The following RPF1 variants were observed in gnomAD, a reference collection of about 807,000 sequenced individuals.
The protein encoded by RPF1 is ribosome production factor 1 homolog.
Under a neutral mutation model 41.9 loss-of-function variants are expected in RPF1, and 34 were observed. The observed-to-expected ratio is 0.81, with a 90% CI of 0.62 to 1.08. RPF1 has a LOEUF of 1.08. Among genes scored for constraint, RPF1 ranks in the 50% least tolerant of loss-of-function variants. The probability of loss-of-function intolerance (pLI) is 0.00; values close to 1 mark genes in which losing one functional copy is unlikely to be tolerated. For missense variants in RPF1, 425 were observed against 435.2 expected (o/e 0.98, Z 0.21); for synonymous variants, 140 against 148.9 (o/e 0.94, Z 0.43).
rs188029047 is a variant in RPF1 at position 84,490,169 on chromosome 1, G to T, written c.463-150G>T. On this transcript the variant is annotated intron_variant, in intron 4 of 8. Transcript: ENST00000370654. ...TTAGGATGATCAGCCTTTGATAAAAGAGGACACACTGTTCGAGTTTCATGC... is the reference window on the plus strand; with the variant it reads ...TTAGGATGATCAGCCTTTGATAAAATAGGACACACTGTTCGAGTTTCATGC... 20 of 550,014 alleles carry T rather than the reference G, an allele frequency of 3.6e-5. 1 individual carries two copies. The highest frequency in any genetic ancestry group is 1.0e-3 in the Middle Eastern group (2 of 2,008). 34.1% of individuals were successfully genotyped at this position (550,014 alleles called of 1,614,324 possible). A position where few individuals can be genotyped will look rare whatever the true frequency, so the allele number is the denominator to read the frequency against.
intron 3 of RPF1, among the ~76,000 whole-genome samples, chr1:84,487,853 T>G (rs1461864779): frequency 6.6e-6 from 1 of 152,110 alleles, no homozygotes; most frequent in East Asian, 1.9e-4. Context: ...ACTCTTACAA[T>G]TCTGTGTTCT....
At chr1:84,489,871 A>C (rs1313685683) in intron 4 of RPF1, 143 bp downstream of exon 4, 2 of 601,662 alleles carry the variant, frequency 3.3e-6, no homozygotes, top group Non-Finnish European at 5.9e-6. Context: ...TAGCTCTGGT[A>C]ATATGATGTA....
At chr1:84,494,503 T>G (rs1269522746) in intron 5 of RPF1, among the ~76,000 whole-genome samples, 1 of 152,208 alleles carries the variant, frequency 6.6e-6, no homozygotes, top group East Asian at 1.9e-4. Flanking sequence ...TAATACAAAG[T>G]GAAAGCCCTG....
intron 6 of RPF1, 123 bp from the exon 7 acceptor site, chr1:84,495,759 G>C (rs1260964698): frequency 1.6e-6 from 1 of 619,296 alleles, no homozygotes; most frequent in Non-Finnish European, 2.8e-6. Context: ...ATCTGTGGTA[G>C]TTTGTCACTA....
Position 84,497,750 on chromosome 1 carries a change from A to G in RPF1, c.*280A>G, listed in dbSNP as rs1332940838. On this transcript the variant is annotated 3_prime_UTR_variant, in exon 9 of 9. Transcript: ENST00000370654. ...AATCAAGATTCAGATTAACTTTCCTATTTGCATAGAACACATGAGAGGAAT... is the reference window on the plus strand; with the variant it reads ...AATCAAGATTCAGATTAACTTTCCTGTTTGCATAGAACACATGAGAGGAAT... 3.3e-6 allele frequency: 1 copy of G among 306,564 alleles called. No homozygotes were observed. Among genetic ancestry groups the G allele is most frequent in the South Asian group, 6.2e-5 (1 of 16,246 alleles). 19.0% of individuals were successfully genotyped at this position (306,564 alleles called of 1,614,324 possible).
At chr1:84,496,101 A>T in intron 7 of RPF1, 38 bp downstream of exon 7, 1 of 1,503,264 alleles carries the variant, frequency 6.7e-7, no homozygotes, top group Non-Finnish European at 9.1e-7. Flanking sequence ...GATTTCAATT[A>T]TGAAATATAT....
chr1:84,483,126 ATTATC>A (rs1341391278), intron 3 of RPF1, 131 bp downstream of exon 3: 1 of 532,298 alleles, frequency 1.9e-6, no homozygotes, highest in Non-Finnish European at 3.4e-6. Context: ...ATGTTGGCAT[ATTATC>A]TTATTATTTG....
At position 84,496,331 on chromosome 1, in the gene RPF1, C is replaced by CT; in HGVS notation, c.972dup (p.Asp325Ter). 1 of 1,612,718 alleles carries CT rather than the reference C, an allele frequency of 6.2e-7. No homozygotes were observed. The highest frequency in any genetic ancestry group is 8.5e-7 in the Non-Finnish European group (1 of 1,179,324). ...AATTAAGGTCTCTTCAGAAAGGAAC[C>CT]TTTGATTCTAAATATGGAGAGTATG... On this transcript the variant is annotated frameshift_variant, in exon 8 of 9. Transcript: ENST00000370654. LOFTEE classifies it high-confidence loss of function.
intron 8 of RPF1, among the ~76,000 whole-genome samples, chr1:84,496,809 A>G (rs951209325): frequency 6.6e-6 from 1 of 152,162 alleles, no homozygotes; most frequent in Middle Eastern, 3.2e-3. Context: ...AGAACTATTG[A>G]TAAGTTTTCT....
intron 2 of RPF1, among the ~76,000 whole-genome samples, chr1:84,481,463 G>C (rs1239043515): frequency 6.6e-6 from 1 of 152,192 alleles, no homozygotes; most frequent in Non-Finnish European, 1.5e-5. Context: ...TTTTTGGTCA[G>C]GCAAGGCTGG....
rs1449852447 is a variant in RPF1 at position 84,498,000 on chromosome 1, A to T, written c.*530A>T. Among the ~76,000 whole-genome samples, 2 of 152,124 alleles carry T rather than the reference A, an allele frequency of 1.3e-5. No individual in the cohort carries two copies. Among genetic ancestry groups the T allele is most frequent in the South Asian group, 4.1e-4 (2 of 4,834 alleles). On this transcript the variant is annotated 3_prime_UTR_variant, in exon 9 of 9. Coordinates refer to ENST00000370654, the MANE Select transcript of RPF1 (RefSeq NM_025065.7). ...AGCTAATCTTTGCTTCCTGATTTTG[A>T]GGTTTTTGGTTTTTTGTGCCCACGT...
At chr1:84,487,040 A>G (rs189741825) in intron 3 of RPF1, among the ~76,000 whole-genome samples, 3 of 152,216 alleles carry the variant, frequency 2.0e-5, no homozygotes. Flanking sequence ...TTTAGAAGAG[A>G]TGTCAAGCAG....
intron 6 of RPF1, 73 bp downstream of exon 6, chr1:84,495,528 T>G: frequency 1.4e-6 from 1 of 698,506 alleles, no homozygotes; most frequent in Non-Finnish European, 2.4e-6. Context: ...ATGCTGTATC[T>G]TATAGCTCTA....
intron 3 of RPF1, among the ~76,000 whole-genome samples, chr1:84,483,749 T>G (rs1397331584): frequency 2.0e-5 from 3 of 152,242 alleles, no homozygotes; most frequent in Non-Finnish European, 4.4e-5. Flanking sequence ...GAAGCAAGAT[T>G]TTAAAACTAT....
chr1:84,496,511 A>G (rs764973570), intron 8 of RPF1, 141 bp downstream of exon 8: 2 of 609,728 alleles, frequency 3.3e-6, no homozygotes, highest in Non-Finnish European at 5.5e-6. Context: ...GCAAACCACT[A>G]TAGCACGTTT....
chr1:84,487,479 A>C (rs914714936), intron 3 of RPF1, among the ~76,000 whole-genome samples: 10 of 152,132 alleles, frequency 6.6e-5, no homozygotes, highest in African/African-American at 2.4e-4. Context: ...CATTTGTGGA[A>C]CTTCTCTATA....
intron 5 of RPF1, among the ~76,000 whole-genome samples, chr1:84,494,924 C>A (rs907237190): frequency 6.6e-6 from 1 of 152,128 alleles, no homozygotes; most frequent in African/African-American, 2.4e-5. Context: ...TCAAAGTTGA[C>A]AGCATATCGT....
At chr1:84,482,722 G>T (rs1681672164) in intron 2 of RPF1, among the ~76,000 whole-genome samples, 193 bp from the exon 3 acceptor site, 1 of 144,162 alleles carries the variant, frequency 6.9e-6, no homozygotes, top group African/African-American at 2.7e-5. Flanking sequence ...GTGTGTCTCT[G>T]CCCAGATTGT....
At chr1:84,485,437 G>T (rs1681720199) in intron 3 of RPF1, among the ~76,000 whole-genome samples, 1 of 152,118 alleles carries the variant, frequency 6.6e-6, no homozygotes, top group Non-Finnish European at 1.5e-5. Flanking sequence ...ATGATTTTGT[G>T]CATGACACAA....
Sources: allele counts gnomAD v4.1 joint callset (sites outside exome capture counted in the v4.1 genomes callset), GRCh38; gene constraint gnomAD v4.1.1; transcripts MANE v1.5; gene names NCBI Gene and HGNC (gene_info 2026-07-23, HGNC 2026-07-21).